Variants in SEPTIN1 observed in about 807,000 individuals in gnomAD.
SEPTIN1 encodes septin-1.
Under a neutral mutation model 50.7 loss-of-function variants are expected in SEPTIN1, and 52 were observed. The ratio of observed to expected loss-of-function variants is 1.03; its 90% CI spans 0.82 to 1.29. The LOEUF is 1.29. SEPTIN1 is among the 50% of genes most tolerant of loss of function. The pLI is 0.00. For missense variants in SEPTIN1, 455 were observed against 490.7 expected, an observed-to-expected ratio of 0.93 and a Z score of 0.69; for synonymous variants, 204 against 189.1, an observed-to-expected ratio of 1.08 and a Z score of -0.65.
rs781504789 is a variant in SEPTIN1 at position 30,382,482 on chromosome 16, G to A, written c.18+43C>T. On this transcript the variant is annotated intron_variant, in intron 1 of 10. Transcript: ENST00000321367. The surrounding 1 kb of genome is among the most constrained non-coding windows in gnomAD (Gnocchi z 4.8). ...GGGTCTGGGGACCCCAGGCATGGGG[G>A]CTGGGGGCCGAGATGCCCAGGTTTC... 5.0e-6 allele frequency: 8 copies of A among 1,585,946 alleles called. No individual in the cohort carries two copies. The highest frequency in any genetic ancestry group is 4.5e-5 in the South Asian group (4 of 89,200).
chr16:30,378,586 G>T (rs2049785826), intron 10 of SEPTIN1, 24 bp downstream of exon 10: 2 of 1,610,798 alleles, frequency 1.2e-6, no homozygotes, highest in Non-Finnish European at 1.7e-6. Flanking sequence ...GCATCGGTCG[G>T]GGGGAAGCGA....
chr16:30,381,071 G>A lies in SEPTIN1; in HGVS notation c.573+56C>T. On this transcript the variant is annotated intron_variant, in intron 6 of 10. Transcript: ENST00000321367. The surrounding 1 kb of genome is among the most constrained non-coding windows in gnomAD (Gnocchi z 4.3). Reference sequence around the variant, plus strand: ...CCACTTCAAGATCAAAGAAGTCTAAGCTGAAATCAGGTTTGGCTTCACATG... The same window carrying A: ...CCACTTCAAGATCAAAGAAGTCTAAACTGAAATCAGGTTTGGCTTCACATG... 1 of 1,346,520 alleles carries A rather than the reference G, an allele frequency of 7.4e-7. No homozygotes were observed. The highest frequency in any genetic ancestry group is 1.1e-6 in the Non-Finnish European group (1 of 935,706). 83.4% of individuals were successfully genotyped at this position (1,346,520 alleles called of 1,614,324 possible).
Position 30,379,194 on chromosome 16 carries a change from G to T in SEPTIN1, c.776-11C>A, listed in dbSNP as rs759914726. On this transcript the variant is annotated splice_polypyrimidine_tract_variant and intron_variant, in intron 8 of 10. Coordinates refer to ENST00000321367, the MANE Select transcript of SEPTIN1 (RefSeq NM_001365977.2). ...GATGTGGGTTCTCCACTGGAGGGGG[G>T]GCGGCGCGGACCAGCGAACGTCAGG... is the stretch of plus-strand genomic sequence containing the variant. The T allele has an allele frequency of 9.3e-6, 15 of 1,613,562 alleles. No homozygotes were observed. Among genetic ancestry groups the T allele is most frequent in the African/African-American group, 8.0e-5 (6 of 74,928 alleles).
chr16:30,379,226 C>A, intron 8 of SEPTIN1, 43 bp from the exon 9 acceptor site: 2 of 1,608,502 alleles, frequency 1.2e-6, no homozygotes, highest in Non-Finnish European at 1.7e-6. Context: ...CAGGGAGTTT[C>A]GGGTCCAACC....
In SEPTIN1 at chr16:30,378,230, C is replaced by G. The variant is rs758057068; in HGVS notation, c.*204G>C. On this transcript the variant is annotated 3_prime_UTR_variant, in exon 11 of 11. Coordinates refer to ENST00000321367, the MANE Select transcript of SEPTIN1 (RefSeq NM_001365977.2). The stretch of plus-strand genomic sequence containing the variant: ...ATGCGGTCGGAGATTGTGCAGGCCC[C>G]GGGCCGGGAAGTGGGCGGTGTCTGG... The G allele has an allele frequency of 1.0e-5, 7 of 667,582 alleles. No individual in the cohort carries two copies. Among genetic ancestry groups the G allele is most frequent in the African/African-American group, 3.6e-5 (2 of 55,088 alleles). 41.4% of individuals were successfully genotyped at this position (667,582 alleles called of 1,614,324 possible).
intron 7 of SEPTIN1, 92 bp from the exon 8 acceptor site, chr16:30,379,626 T>G: frequency 8.7e-6 from 5 of 575,104 alleles, no homozygotes; most frequent in Non-Finnish European, 1.5e-5. Context: ...CTCCTCTGCT[T>G]CCTGCCCCTT....
intron 9 of SEPTIN1, 67 bp downstream of exon 9, chr16:30,378,951 C>T: frequency 2.0e-6 from 3 of 1,521,188 alleles, no homozygotes; most frequent in Non-Finnish European, 2.7e-6. Flanking sequence ...GGGGACGAGT[C>T]CTCAGGGCGG....
rs1289302780 is a variant in SEPTIN1, at chr16:30,382,405, G to A, written c.19-40C>T. 1 of 1,575,678 alleles carries A rather than the reference G, an allele frequency of 6.3e-7. No homozygotes were observed. Among genetic ancestry groups the A allele is most frequent in the African/African-American group, 1.3e-5 (1 of 74,102 alleles). The stretch of plus-strand genomic sequence containing the variant: ...GGACAATATGAGGCTGCTGGCAATG[G>A]CAGGCAGGGTCCCCAGGATCACTTG... On this transcript the variant is annotated intron_variant, in intron 1 of 10. Transcript: ENST00000321367. This position sits in a 1 kb window ranked among gnomAD's most constrained non-coding sequence, Gnocchi z 4.8.
Position 30,382,270 on chromosome 16 carries a change from C to T in SEPTIN1, c.109+5G>A, listed in dbSNP as rs1192318286. The T allele has an allele frequency of 6.2e-7, 1 of 1,613,678 alleles. No homozygotes were observed. The highest frequency in any genetic ancestry group is 2.2e-5 in the East Asian group (1 of 44,874). On this transcript the variant is annotated splice_donor_5th_base_variant and intron_variant, in intron 2 of 10. Coordinates refer to ENST00000321367, the MANE Select transcript of SEPTIN1 (RefSeq NM_001365977.2). The surrounding 1 kb of genome is among the most constrained non-coding windows in gnomAD (Gnocchi z 4.8). ...TCCGCAGTTCCCTCTCCAAAACCCC[C>T]AGACCTGCCACCATTAGCGTGAAGT...
At chr16:30,380,088 T>G (rs1402909867) in intron 6 of SEPTIN1, 55 bp from the exon 7 acceptor site, 1 of 1,455,324 alleles carries the variant, frequency 6.9e-7, no homozygotes, top group Admixed American at 1.9e-5. Flanking sequence ...GACAGACATT[T>G]CATGACCAGA....
Position 30,379,433 on chromosome 16 carries a change from A to G in SEPTIN1, c.775+2T>C. 1 of 1,611,626 alleles carries G rather than the reference A, an allele frequency of 6.2e-7. No individual in the cohort carries two copies. Among genetic ancestry groups the G allele is most frequent in the Non-Finnish European group, 8.5e-7 (1 of 1,178,850 alleles). The stretch of plus-strand genomic sequence containing the variant: ...TTAGGACCCCTGCCTGGCCTCACTC[A>G]CCCTCCACGGTCCCCCAGGAGTAGC... On this transcript the variant is annotated splice_donor_variant, in intron 8 of 10. Transcript: ENST00000321367. LOFTEE classifies it high-confidence loss of function.
chr16:30,381,352 G>A lies in SEPTIN1; in HGVS notation c.442C>T (p.Pro148Ser), dbSNP rs1597007505. 5.0e-6 allele frequency: 8 copies of A among 1,613,246 alleles called. No homozygotes were observed. The highest frequency in any genetic ancestry group is 5.9e-6 in the Non-Finnish European group (7 of 1,179,584). ...RVHCCLYFISPFGRGLRPLDV... is the reference protein window; with the variant it reads ...RVHCCLYFISSFGRGLRPLDV... Reference sequence around the variant, plus strand: ...CCCCCACCAGACCCCCGGCCGAAGGGTGAGATGAAGTAGAGGCAGCAGTGG... The same window carrying A: ...CCCCCACCAGACCCCCGGCCGAAGGATGAGATGAAGTAGAGGCAGCAGTGG... The change falls in exon 5 of 11, where the codon CCC (proline) becomes TCC (serine). Residue 148 changes from proline (P) to serine (S), a missense_variant. Transcript: ENST00000321367. The surrounding 1 kb of genome is among the most constrained non-coding windows in gnomAD (Gnocchi z 4.3).
chr16:30,379,763 C>G (rs1422434860), intron 7 of SEPTIN1, 169 bp downstream of exon 7: 2 of 590,244 alleles, frequency 3.4e-6, no homozygotes, highest in African/African-American at 3.8e-5. Flanking sequence ...CCCACCATCA[C>G]ACCTGGCAAA....
At chr16:30,379,241 CG>C in intron 8 of SEPTIN1, 58 bp from the exon 9 acceptor site, 2 of 1,598,656 alleles carry the variant, frequency 1.3e-6, no homozygotes, top group Non-Finnish European at 1.7e-6. Flanking sequence ...CCAACCCACC[CG>C]TAAGGGTCGG....
chr16:30,380,973 CT>C (rs1284412985), intron 6 of SEPTIN1, 153 bp downstream of exon 6: 2 of 717,146 alleles, frequency 2.8e-6, no homozygotes, highest in East Asian at 4.9e-5. Flanking sequence ...CATGGCTATG[CT>C]GGCGGCTTAC....
In SEPTIN1 at chr16:30,381,100, T is replaced by C; in HGVS notation, c.573+27A>G. 6.4e-7 allele frequency: 1 copy of C among 1,566,098 alleles called. No homozygotes were observed. Reference sequence around the variant, plus strand: ...AAATCAGGTTTGGCTTCACATGGGGTCAAAGGTCAGAGGTCATCACTCACA... The same window carrying C: ...AAATCAGGTTTGGCTTCACATGGGGCCAAAGGTCAGAGGTCATCACTCACA... On this transcript the variant is annotated intron_variant, in intron 6 of 10. Transcript: ENST00000321367. The surrounding 1 kb of genome is among the most constrained non-coding windows in gnomAD (Gnocchi z 4.3).
Position 30,382,039 on chromosome 16 carries a change from G to C in SEPTIN1, c.196+54C>G. The C allele has an allele frequency of 6.3e-7, 1 of 1,589,558 alleles. No homozygotes were observed. Among genetic ancestry groups the C allele is most frequent in the African/African-American group, 1.3e-5 (1 of 74,412 alleles). The stretch of plus-strand genomic sequence containing the variant: ...CTGAGTCCCCAGATGGAAAAGACTA[G>C]GGTGTAACCTGGGGACAGGGGCTAC... On this transcript the variant is annotated intron_variant, in intron 3 of 10. Coordinates refer to ENST00000321367, the MANE Select transcript of SEPTIN1 (RefSeq NM_001365977.2). This position sits in a 1 kb window ranked among gnomAD's most constrained non-coding sequence, Gnocchi z 4.8.
At position 30,379,048 on chromosome 16, in the gene SEPTIN1, C is replaced by T. The variant is rs199791904; in HGVS notation, c.911G>A (p.Arg304Gln). Residue 304 changes from arginine to glutamine, a missense_variant, in exon 9 of 11, where the codon CGG becomes CAG. Arg to Gln is a conservative substitution (Grantham distance 43). Coordinates refer to ENST00000321367, the MANE Select transcript of SEPTIN1 (RefSeq NM_001365977.2). ...GCTGGCTCGATCGCGAGCCCCAGGC[C>T]GGGCCAGGCTCTGTAGGCAGCGGGC... The part of the protein sequence containing the change: ...YRARCLQSLA[R>Q]PGARDRASRS... 9.1e-4 allele frequency: 1,461 copies of T among 1,613,606 alleles called. 9 individuals carry two copies. In the East Asian group the frequency reaches 9.5e-3, roughly 10 times the overall value.
chr16:30,378,315 G>T lies in SEPTIN1; in HGVS notation c.*119C>A, dbSNP rs2049778349. On this transcript the variant is annotated 3_prime_UTR_variant, in exon 11 of 11. Transcript: ENST00000321367. Reference sequence around the variant, plus strand: ...CTCAGGCTGGGAGAACCTCCCCCTAGCCCGCGCGAGGGCGGCACCCGCGGA... The same window carrying T: ...CTCAGGCTGGGAGAACCTCCCCCTATCCCGCGCGAGGGCGGCACCCGCGGA... 1.3e-5 allele frequency: 13 copies of T among 995,722 alleles called. No homozygotes were observed. The South Asian group carries it at 1.6e-4, about 12-fold the overall frequency. 61.7% of individuals were successfully genotyped at this position (995,722 alleles called of 1,614,324 possible).
Sources: gnomAD v4.1 joint callset for allele counts on GRCh38, gnomAD v4.1.1 for gene constraint, Gnocchi (gnomAD v3.1) non-coding constraint, MANE v1.5 for transcripts, NCBI Gene and HGNC (gene_info 2026-07-23, HGNC 2026-07-21) for gene names.